Variants in ANXA4 observed in about 807,000 individuals in gnomAD.
ANXA4 encodes the protein 35-beta calcimedin.
In ANXA4, 39 loss-of-function variants were observed where a neutral mutation model predicts 49.8. The observed-to-expected ratio is 0.78, with a 90% confidence interval of 0.61 to 1.02. The LOEUF (loss-of-function observed/expected upper bound fraction) is 1.02. ANXA4 is among the 50% of genes least tolerant of loss of function. The pLI, the probability that ANXA4 is intolerant of heterozygous loss-of-function variation, is 0.00. For synonymous variants in ANXA4, 134 were observed against 152.5 expected, an observed-to-expected ratio of 0.88 and a Z score of 0.89; for missense variants, 360 against 410.1, an observed-to-expected ratio of 0.88 and a Z score of 1.05.
chr2:69,756,878 T>TA (rs1035157485), intron 1 of ANXA4, among the ~76,000 whole-genome samples: 3 of 150,944 alleles, frequency 2.0e-5, no homozygotes, highest in African/African-American at 4.9e-5. Flanking sequence ...ATACAAGTTT[T>TA]AAAAAAAGAA....
chr2:69,671,562 CA>C (rs1677189788), intron 2 of ANXA4, among the ~76,000 whole-genome samples: 1 of 152,112 alleles, frequency 6.6e-6, no homozygotes, highest in South Asian at 2.1e-4. Context: ...ACTAAAAATA[CA>C]AAAATACAAA....
rs190097741 is a variant in ANXA4, at chr2:69,694,079, G to A, written n.767-26695G>A. Among the ~76,000 whole-genome samples, 28 of 152,262 alleles carry A rather than the reference G, an allele frequency of 1.8e-4. No individual in the cohort carries two copies. In the East Asian group the frequency reaches 4.4e-3, roughly 24 times the overall value. ...ATCATGGAAACACTGTTTACCAGTT[G>A]CTATGGTCTGAATGTTTGTGTCTCC... On this transcript the variant is annotated intron_variant and non_coding_transcript_variant, in intron 2 of 3. Transcript: ENST00000418066.
At chr2:69,760,341 G>C (rs1319721319) in intron 1 of ANXA4, among the ~76,000 whole-genome samples, 1 of 152,170 alleles carries the variant, frequency 6.6e-6, no homozygotes, top group African/African-American at 2.4e-5. Flanking sequence ...AAAATCTCTT[G>C]ACACTTGATT....
chr2:69,766,531 C>T (rs1001894480), intron 1 of ANXA4, among the ~76,000 whole-genome samples: 2 of 152,152 alleles, frequency 1.3e-5, no homozygotes, highest in African/African-American at 2.4e-5. Flanking sequence ...CTCCAGGGCT[C>T]CAACCACTTT....
chr2:69,656,255 ATACGTATATATATG>A (rs1559045744), intron 2 of ANXA4, among the ~76,000 whole-genome samples: 2 of 138,654 alleles, frequency 1.4e-5, no homozygotes, highest in East Asian at 5.1e-4. Context: ...ATATATGTAT[ATACGTATATATATG>A]TATATACGTA....
intron 5 of ANXA4, among the ~76,000 whole-genome samples, chr2:69,807,624 G>A (rs1427839838): frequency 2.6e-5 from 4 of 152,102 alleles, no homozygotes; most frequent in Admixed American, 2.0e-4. Flanking sequence ...GAGCAGAAGA[G>A]GTCAAGGAAA....
chr2:69,765,477 G>T (rs949288862), intron 1 of ANXA4, among the ~76,000 whole-genome samples: 6 of 152,036 alleles, frequency 3.9e-5, no homozygotes, highest in African/African-American at 1.4e-4. Context: ...ATATATCCGG[G>T]TACACTACCC....
intron 8 of ANXA4, 110 bp downstream of exon 8, chr2:69,812,819 G>C: frequency 1.1e-6 from 1 of 929,410 alleles, no homozygotes; most frequent in Non-Finnish European, 1.7e-6. Flanking sequence ...GCCAGGCTTG[G>C]ATATGTTCTT....
At chr2:69,679,900 T>C (rs1274112286) in intron 2 of ANXA4, among the ~76,000 whole-genome samples, 1 of 152,222 alleles carries the variant, frequency 6.6e-6, no homozygotes, top group Non-Finnish European at 1.5e-5. Context: ...TTGATTGCTA[T>C]GCTATAACCT....
At position 69,705,806 on chromosome 2, in the gene ANXA4, C is replaced by T. The variant is rs1382631530; in HGVS notation, n.767-14968C>T. 3.3e-5 allele frequency among the ~76,000 whole-genome samples: 5 copies of T among 151,954 alleles called. No individual in the cohort carries two copies. In the East Asian group the frequency reaches 9.6e-4, roughly 29 times the overall value. On this transcript the variant is annotated intron_variant and non_coding_transcript_variant, in intron 2 of 3. Transcript: ENST00000418066. Reference sequence around the variant, plus strand: ...AATTAGCCAGGCCTGGTGCCGGGCACCTGTAGTCCCAGCTACTTGGGAGGC... The same window carrying T: ...AATTAGCCAGGCCTGGTGCCGGGCATCTGTAGTCCCAGCTACTTGGGAGGC...
intron 2 of ANXA4, among the ~76,000 whole-genome samples, chr2:69,698,877 A>C (rs1346852090): frequency 6.6e-6 from 1 of 152,234 alleles, no homozygotes; most frequent in Admixed American, 6.5e-5. Context: ...AAGAGGGAGA[A>C]GAAGTAGAAA....
chr2:69,656,210 CACAT>C (rs1676437627), intron 2 of ANXA4, among the ~76,000 whole-genome samples: 8 of 139,022 alleles, frequency 5.8e-5, no homozygotes, highest in African/African-American at 1.9e-4. Context: ...TATATACACA[CACAT>C]ATATATGTAT....
intron 1 of ANXA4, among the ~76,000 whole-genome samples, chr2:69,750,141 ATCACCTGCCCATTGAACATTG>A (rs1670780227): frequency 6.6e-6 from 1 of 152,244 alleles, no homozygotes; most frequent in African/African-American, 2.4e-5. Flanking sequence ...TGTTACAGAT[ATCACCTGCCCATTGAACATTG>A]TTTGTGAAGA....
chr2:69,688,421 C>A (rs779988853), intron 2 of ANXA4, among the ~76,000 whole-genome samples: 7 of 152,142 alleles, frequency 4.6e-5, no homozygotes, highest in Non-Finnish European at 7.3e-5. Flanking sequence ...GAAATTGTGA[C>A]GTCAGCAGCC....
chr2:69,696,864 A>G (rs1225089843), intron 2 of ANXA4, among the ~76,000 whole-genome samples: 1 of 152,226 alleles, frequency 6.6e-6, no homozygotes, highest in Non-Finnish European at 1.5e-5. Flanking sequence ...CAGCAGGCTT[A>G]AATTATTCAG....
In ANXA4 at chr2:69,826,919, AT is replaced by A. The variant is rs2103925467; in HGVS notation, c.*1406del. On this transcript the variant is annotated 3_prime_UTR_variant, in exon 13 of 13. Transcript: ENST00000394295. ...CTTGTGTTACTCAGTTTCTACAGGAATTACAAGATAAGAAAAAAAAAATCAT... is the reference window on the plus strand; with the variant it reads ...CTTGTGTTACTCAGTTTCTACAGGAATACAAGATAAGAAAAAAAAAATCAT... 6.8e-6 allele frequency: 1 copy of A among 146,712 alleles called. No homozygotes were observed. Among genetic ancestry groups the A allele is most frequent in the Non-Finnish European group, 1.5e-5 (1 of 68,022 alleles). The allele number at this position is 146,712 out of a possible 1,614,324, so 9.1% of individuals were successfully genotyped here.
intron 2 of ANXA4, among the ~76,000 whole-genome samples, chr2:69,710,482 A>C (rs1053602060): frequency 6.6e-6 from 1 of 152,060 alleles, no homozygotes; most frequent in South Asian, 2.1e-4. Flanking sequence ...TCACAATTGT[A>C]AGTAACATTG....
intron 1 of ANXA4, among the ~76,000 whole-genome samples, chr2:69,755,470 G>A (rs1034027717): frequency 3.3e-5 from 5 of 152,102 alleles, no homozygotes; most frequent in Non-Finnish European, 7.4e-5. Flanking sequence ...AATTAGCCAC[G>A]CATGGTGGCC....
In ANXA4 at chr2:69,807,996, C is replaced by T. The variant is rs774777486; in HGVS notation, c.397C>T (p.Gln133Ter). 2.3e-5 allele frequency: 37 copies of T among 1,613,820 alleles called. 1 individual carries two copies. In the South Asian group the frequency reaches 3.6e-4, roughly 16 times the overall value. The change falls in exon 6 of 13, where the codon CAA (glutamine) becomes TAA (stop). Residue 133 changes from glutamine (Q) to a stop codon, truncating the protein, a stop_gained and splice_region_variant. Transcript: ENST00000394295. LOFTEE classifies it high-confidence loss of function. ...IRRISQTYQQ[Q>*]YGRSLEDDIR... Reference sequence around the variant, plus strand: ...GCGCATAAGCCAAACCTACCAGCAGCGTACGTGACATCCGCAGTGGCCCTG... The same window carrying T: ...GCGCATAAGCCAAACCTACCAGCAGTGTACGTGACATCCGCAGTGGCCCTG...
Sources: allele counts gnomAD v4.1 joint callset (sites outside exome capture counted in the v4.1 genomes callset), GRCh38; gene constraint gnomAD v4.1.1; transcripts MANE v1.5; gene names NCBI Gene and HGNC (gene_info 2026-07-23, HGNC 2026-07-21).